The following DMXL2 variants were observed in gnomAD, a reference collection of about 807,000 sequenced individuals.
DMXL2 encodes Dmx like 2, also known as dmX-like protein 2.
DMXL2 carries 103 observed loss-of-function variants against 331.1 expected under a neutral mutation model. The observed-to-expected ratio is 0.31, with a 90% confidence interval of 0.27 to 0.37. DMXL2 has a LOEUF of 0.37. DMXL2 is among the 10% of genes least tolerant of loss of function. The pLI is 1.00. For missense variants in DMXL2, 3,171 were observed against 3,642.9 expected, an observed-to-expected ratio of 0.87 and a Z score of 3.33; for synonymous variants, 1,281 against 1,252.1, an observed-to-expected ratio of 1.02 and a Z score of -0.49.
intron 13 of DMXL2, among the ~76,000 whole-genome samples, chr15:51,523,403 A>C (rs1398704789): frequency 1.3e-5 from 2 of 152,264 alleles, no homozygotes; most frequent in Admixed American, 6.5e-5. Flanking sequence ...AGAGACTTTG[A>C]AAGTTCCTGA....
At chr15:51,528,479 T>C (rs1046322816) in intron 13 of DMXL2, among the ~76,000 whole-genome samples, 1 of 152,164 alleles carries the variant, frequency 6.6e-6, no homozygotes, top group African/African-American at 2.4e-5. Flanking sequence ...TCTGATACTA[T>C]GTATCAGACA....
intron 14 of DMXL2, 92 bp from the exon 15 acceptor site, chr15:51,514,651 G>A: frequency 1.4e-6 from 1 of 729,486 alleles, no homozygotes; most frequent in Non-Finnish European, 2.3e-6. Context: ...TAATGCAGAA[G>A]AAATATATCT....
chr15:51,519,718 T>C (rs994657974), intron 13 of DMXL2, among the ~76,000 whole-genome samples: 2 of 148,002 alleles, frequency 1.4e-5, no homozygotes, highest in Non-Finnish European at 1.5e-5. Flanking sequence ...TCTTGGCTCA[T>C]TGCAACCTGC....
chr15:51,534,706 T>C (rs915548192), intron 13 of DMXL2, among the ~76,000 whole-genome samples: 1 of 152,214 alleles, frequency 6.6e-6, no homozygotes, highest in African/African-American at 2.4e-5. Flanking sequence ...TCACTGTTTC[T>C]GGAACAAGCT....
chr15:51,467,176 G>T lies in DMXL2; in HGVS notation c.7393-865C>A, dbSNP rs369812804. On this transcript the variant is annotated intron_variant, in intron 29 of 43. Transcript: ENST00000560891. ...AGTTAAGGAGGAGGAGAAAGAAAAA[G>T]AACAGGAGGAAACAGAGAAGGAAGG... Among the ~76,000 whole-genome samples the T allele has an allele frequency of 1.1e-4, 17 of 151,988 alleles. No homozygotes were observed. In the East Asian group the frequency reaches 1.9e-3, roughly 17 times the overall value.
chr15:51,457,404 T>G lies in DMXL2; in HGVS notation c.8261A>C (p.Tyr2754Ser). The change falls in exon 37 of 44, where the codon TAT becomes TCT. Residue 2754 changes from tyrosine to serine, a missense_variant. Physicochemically the swap from Tyr to Ser is moderately radical, Grantham distance 144. Around this residue, in one of 7 missense-constraint regions of DMXL2, gnomAD observed 766 missense variants for 940.5 expected, o/e 0.81. Transcript: ENST00000560891. ...AGGTGGATGCACCTGACTTGCTGAA[T>G]AGGATGTTGCACTGGGTTGATAAAG... ...TTLYQPSATS[Y>S]SASQVHPPSS... The G allele has an allele frequency of 6.2e-7, 1 of 1,614,222 alleles. No individual in the cohort carries two copies. The highest frequency in any genetic ancestry group is 1.1e-5 in the South Asian group (1 of 91,088).
At chr15:51,589,104 T>A (rs1377999878) in intron 1 of DMXL2, among the ~76,000 whole-genome samples, 1 of 152,106 alleles carries the variant, frequency 6.6e-6, no homozygotes, top group African/African-American at 2.4e-5. Context: ...CGGTGGCTAA[T>A]AACCAGCTGG....
At chr15:51,590,462 T>G (rs2052209665) in intron 1 of DMXL2, among the ~76,000 whole-genome samples, 1 of 152,208 alleles carries the variant, frequency 6.6e-6, no homozygotes, top group Non-Finnish European at 1.5e-5. Context: ...GTACTACAAC[T>G]TGTGTTACAA....
At chr15:51,557,304 A>C (rs1264811885) in intron 6 of DMXL2, among the ~76,000 whole-genome samples, 1 of 152,184 alleles carries the variant, frequency 6.6e-6, no homozygotes, top group Non-Finnish European at 1.5e-5. Context: ...AAAACATCAA[A>C]TATCTAGGAA....
At chr15:51,611,154 T>C (rs1048832404) in intron 1 of DMXL2, among the ~76,000 whole-genome samples, 7 of 151,988 alleles carry the variant, frequency 4.6e-5, no homozygotes, top group African/African-American at 1.7e-4. Context: ...AAAATAAGTA[T>C]ATAACAGAGA....
chr15:51,579,463 G>C (rs1392983873), intron 1 of DMXL2, among the ~76,000 whole-genome samples: 2 of 152,164 alleles, frequency 1.3e-5, no homozygotes, highest in African/African-American at 4.8e-5. Flanking sequence ...TTTAAGGCAT[G>C]TTTAATGTCT....
chr15:51,604,194 A>G (rs1031194963), intron 1 of DMXL2, among the ~76,000 whole-genome samples: 2 of 151,704 alleles, frequency 1.3e-5, no homozygotes, highest in African/African-American at 4.8e-5. Flanking sequence ...ACTTGACAAT[A>G]CTCAAGATTC....
At chr15:51,550,591 AAAAAG>A (rs1227969129) in intron 6 of DMXL2, among the ~76,000 whole-genome samples, 2 of 152,106 alleles carry the variant, frequency 1.3e-5, no homozygotes, top group Non-Finnish European at 2.9e-5. Context: ...GAGAACTCAA[AAAAAG>A]AAAAGATAAA....
chr15:51,589,560 C>T (rs902997689), intron 1 of DMXL2, among the ~76,000 whole-genome samples: 14 of 152,104 alleles, frequency 9.2e-5, no homozygotes, highest in African/African-American at 3.4e-4. Context: ...GTAAGGAGTA[C>T]AATGAGAATT....
intron 7 of DMXL2, among the ~76,000 whole-genome samples, chr15:51,546,747 CA>C (rs774253054): frequency 4.6e-5 from 7 of 151,712 alleles, no homozygotes; most frequent in African/African-American, 1.7e-4. Context: ...AAAACAACAA[CA>C]AAAAAAACAC....
chr15:51,454,008 C>A, intron 40 of DMXL2: 1 of 183,848 alleles, frequency 5.4e-6, no homozygotes, highest in Non-Finnish European at 1.1e-5. Context: ...TGCTTACAGA[C>A]CCAACTAGTC....
intron 6 of DMXL2, among the ~76,000 whole-genome samples, chr15:51,548,998 A>T (rs1263185479): frequency 6.6e-6 from 1 of 151,754 alleles, no homozygotes; most frequent in African/African-American, 2.4e-5. Context: ...GGGAACAGGT[A>T]GTGTTTGGTT....
In DMXL2 at chr15:51,502,211, C is replaced by A. The variant is rs1216558076; in HGVS notation, c.2992+595G>T. 2.2e-5 allele frequency among the ~76,000 whole-genome samples: 3 copies of A among 135,096 alleles called. No individual in the cohort carries two copies. The South Asian group carries it at 7.0e-4, about 31-fold the overall frequency. The allele number at this position is 135,096 out of a possible 152,430, so 88.6% of individuals were successfully genotyped here. ...TAGCACCACTGCATTCCAGCCTGGG[C>A]GACAGAGTGAGACTCCGTCTAAAAA... On this transcript the variant is annotated intron_variant, in intron 17 of 43. Coordinates refer to ENST00000560891, the MANE Select transcript of DMXL2 (RefSeq NM_001378457.1).
intron 1 of DMXL2, among the ~76,000 whole-genome samples, chr15:51,579,519 A>G (rs151329967): frequency 7.4e-4 from 113 of 152,322 alleles, no homozygotes; most frequent in African/African-American, 2.6e-3. Flanking sequence ...CAAGGACCTT[A>G]CCTTGTCCTT....
Sources: allele counts gnomAD v4.1 joint callset (sites outside exome capture counted in the v4.1 genomes callset), GRCh38; gene constraint gnomAD v4.1.1; regional missense constraint gnomAD v4.1.1; transcripts MANE v1.5; gene names NCBI Gene and HGNC (gene_info 2026-07-23, HGNC 2026-07-21).